PSMA4: variants seen among roughly 807,000 people sequenced by gnomAD.
The protein encoded by PSMA4 is proteasome subunit alpha type-4.
In PSMA4, 8 loss-of-function variants were observed where a neutral mutation model predicts 37.2. The observed-to-expected ratio is 0.22, with a 90% CI of 0.13 to 0.39. The LOEUF (loss-of-function observed/expected upper bound fraction) is 0.39, where lower values mean the gene tolerates loss of function less well. PSMA4 is among the 10% of genes least tolerant of loss of function. The pLI is 1.00. For missense variants in PSMA4, 169 were observed against 305.1 expected, an observed-to-expected ratio of 0.55 and a Z score of 3.32; for synonymous variants, 93 against 98.8, an observed-to-expected ratio of 0.94 and a Z score of 0.35.
In PSMA4 at chr15:78,541,975, A is replaced by T. The variant is rs149644946; in HGVS notation, c.3+45A>T. On this transcript the variant is annotated intron_variant, in intron 2 of 8. Transcript: ENST00000044462. ...AATAAACGGTTGCCTGATAAACAGT[A>T]TTGCTTGTACTCAGTTTACAGACTT... 3.1e-4 allele frequency: 497 copies of T among 1,583,662 alleles called. 2 individuals are homozygous for T. In the African/African-American group the frequency reaches 6.0e-3, roughly 19 times the overall value.
chr15:78,542,259 T>C, intron 3 of PSMA4, 40 bp downstream of exon 3: 1 of 1,553,322 alleles, frequency 6.4e-7, no homozygotes, highest in Non-Finnish European at 8.7e-7. Flanking sequence ...AGTTTAAAAA[T>C]AAATGTGTTA....
chr15:78,546,826 C>T (rs1201103966), intron 8 of PSMA4, 128 bp downstream of exon 8: 18 of 1,001,300 alleles, frequency 1.8e-5, no homozygotes, highest in African/African-American at 3.5e-5. Flanking sequence ...AGTGCAGTGG[C>T]GCAATCTCAG....
In PSMA4 at chr15:78,544,574, C is replaced by T. The variant is rs1216560131; in HGVS notation, c.288-295C>T. The stretch of plus-strand genomic sequence containing the variant: ...TTGGCCTCCCAAAGTGCTGGGATTA[C>T]AGGCATTAGCCACTGCACCTGGCCT... On this transcript the variant is annotated intron_variant, in intron 5 of 8. Transcript: ENST00000044462. 1.1e-5 allele frequency: 5 copies of T among 443,984 alleles called. No homozygotes were observed. The East Asian group carries it at 2.1e-4, about 18-fold the overall frequency. The allele number at this position is 443,984 out of a possible 1,614,324, so 27.5% of individuals were successfully genotyped here.
At position 78,549,113 on chromosome 15, in the gene PSMA4, CGAT is replaced by C; in HGVS notation, c.*174_*176del. ...TGTCCAATTGAATACTTTATTGTAA[CGAT>C]GATGGTTACCCTTCATGGACGTCTT... is the stretch of plus-strand genomic sequence containing the variant. On this transcript the variant is annotated 3_prime_UTR_variant, in exon 9 of 9. Coordinates refer to ENST00000044462, the MANE Select transcript of PSMA4 (RefSeq NM_002789.6). 10 of 1,043,364 alleles carry C rather than the reference CGAT, an allele frequency of 9.6e-6. No homozygotes were observed. The highest frequency in any genetic ancestry group is 1.2e-5 in the Non-Finnish European group (10 of 803,738). The allele number at this position is 1,043,364 out of a possible 1,614,324, so 64.6% of individuals were successfully genotyped here.
chr15:78,548,483 A>G (rs912262104), intron 8 of PSMA4, among the ~76,000 whole-genome samples: 2 of 152,174 alleles, frequency 1.3e-5, no homozygotes, highest in African/African-American at 4.8e-5. Flanking sequence ...AGAGGTTCCA[A>G]CAGTTCCGTC....
Position 78,544,944 on chromosome 15 carries a change from T to C in PSMA4, c.363T>C (p.Tyr121=). The C allele has an allele frequency of 6.2e-7, 1 of 1,605,442 alleles. No individual in the cohort carries two copies. The change falls in exon 6 of 9, where the codon TAT becomes TAC. Residue 121 remains tyrosine (Y), a synonymous_variant. Transcript: ENST00000044462. ...CGCTGTGTGATATCAAACAAGCTTATACACAATTTGGAGGTATTTAATTTT... is the reference window on the plus strand; with the variant it reads ...CGCTGTGTGATATCAAACAAGCTTACACACAATTTGGAGGTATTTAATTTT... ...VTALCDIKQA[Y]TQFGGKRPFG... is the part of the protein sequence containing the mutation.
intron 1 of PSMA4, chr15:78,541,036 C>G (rs1236961969): frequency 6.6e-6 from 1 of 152,374 alleles, no homozygotes; most frequent in South Asian, 2.1e-4. Flanking sequence ...TCAACCAGTT[C>G]GCTGCCCTCG....
intron 4 of PSMA4, among the ~76,000 whole-genome samples, chr15:78,543,227 CTT>C (rs765557281): frequency 6.2e-4 from 95 of 152,274 alleles, no homozygotes; most frequent in Middle Eastern, 3.4e-3. Context: ...TAAGTAGAGA[CTT>C]TCCTTTCAGT....
At chr15:78,542,458 G>A in intron 3 of PSMA4, 25 bp from the exon 4 acceptor site, 1 of 1,606,624 alleles carries the variant, frequency 6.2e-7, no homozygotes, top group South Asian at 1.1e-5. Context: ...GAGAGTCTTG[G>A]CTTCTCACTG....
At chr15:78,543,629 C>T (rs1305218943) in intron 4 of PSMA4, among the ~76,000 whole-genome samples, 6 of 142,472 alleles carry the variant, frequency 4.2e-5, no homozygotes, top group Non-Finnish European at 9.0e-5. Context: ...AGTACGGTGA[C>T]GCCATCTTGG....
At chr15:78,544,664 TG>T in intron 5 of PSMA4, 1 of 491,634 alleles carries the variant, frequency 2.0e-6, no homozygotes, top group East Asian at 3.2e-5. Context: ...ATCTTTGAAT[TG>T]AAAATTACAG....
intron 8 of PSMA4, among the ~76,000 whole-genome samples, chr15:78,548,087 C>G (rs1174379396): frequency 6.6e-6 from 1 of 151,952 alleles, no homozygotes; most frequent in African/African-American, 2.4e-5. Flanking sequence ...AAAAAATTAG[C>G]CGGGCGTGGT....
intron 8 of PSMA4, 70 bp downstream of exon 8, chr15:78,546,768 CTTTTTT>C: frequency 1.7e-6 from 2 of 1,163,768 alleles, no homozygotes; most frequent in South Asian, 1.5e-5. Context: ...AGATTTTTTT[CTTTTTT>C]TTTTTTTTTT....
At position 78,540,490 on chromosome 15, in the gene PSMA4, T is replaced by C. The variant is rs3813570; in HGVS notation, c.-73T>C. ...TGAGCGGTGGTGGTTTATTCTTCCG[T>C]GGAGTTAAGGGCTCCGTGGACATCT... On this transcript the variant is annotated 5_prime_UTR_variant, in exon 1 of 9. Transcript: ENST00000044462. The C allele has an allele frequency of 0.28, 42,095 of 152,372 alleles. 6,558 individuals are homozygous for C. Among genetic ancestry groups the C allele is most frequent in the Admixed American group, 0.47 (7,184 of 15,310 alleles). 9.4% of individuals were successfully genotyped at this position (152,372 alleles called of 1,614,324 possible).
In PSMA4 at chr15:78,548,952, G is replaced by T; in HGVS notation, c.*8G>T. On this transcript the variant is annotated 3_prime_UTR_variant, in exon 9 of 9. Coordinates refer to ENST00000044462, the MANE Select transcript of PSMA4 (RefSeq NM_002789.6). ...AAAGAAAAGGATAAATAGAATCAGA[G>T]ATTTTATTACTCATTTGGGGCACCA... The T allele has an allele frequency of 6.3e-7, 1 of 1,599,426 alleles. No individual in the cohort carries two copies. Among genetic ancestry groups the T allele is most frequent in the South Asian group, 1.1e-5 (1 of 87,656 alleles).
Position 78,548,813 on chromosome 15 carries a change from G to C in PSMA4, c.655G>C (p.Glu219Gln). The C allele has an allele frequency of 6.2e-7, 1 of 1,607,508 alleles. No homozygotes were observed. The highest frequency in any genetic ancestry group is 8.5e-7 in the Non-Finnish European group (1 of 1,178,344). ...AGTGGAAATTGCAACACTAACAAGA[G>C]AGAATGGAAAGACAGTAATCAGAGT... ...EKVEIATLTR[E>Q]NGKTVIRVLK... Residue 219 changes from glutamate to glutamine, a missense_variant, in exon 9 of 9, where the codon GAG (glutamate) becomes CAG (glutamine). Around this residue, in one of 2 missense-constraint regions of PSMA4, gnomAD observed 90 missense variants for 92.7 expected, o/e 0.97. Coordinates refer to ENST00000044462, the MANE Select transcript of PSMA4 (RefSeq NM_002789.6).
intron 6 of PSMA4, 141 bp from the exon 7 acceptor site, chr15:78,545,493 T>G: frequency 1.1e-6 from 1 of 952,338 alleles, no homozygotes; most frequent in East Asian, 2.5e-5. Context: ...ATGGAGCTTA[T>G]CTATGGTAGC....
Position 78,545,615 on chromosome 15 carries a change from C to T in PSMA4, c.377-19C>T. The T allele has an allele frequency of 6.2e-7, 1 of 1,612,332 alleles. No homozygotes were observed. Among genetic ancestry groups the T allele is most frequent in the Non-Finnish European group, 8.5e-7 (1 of 1,178,548 alleles). ...AAATTTAGATTATTGATATGTTTGG[C>T]TTTTTTTCTTTGTTAAAGGAAAACG... On this transcript the variant is annotated intron_variant, in intron 6 of 8. Coordinates refer to ENST00000044462, the MANE Select transcript of PSMA4 (RefSeq NM_002789.6).
In PSMA4 at chr15:78,542,185, A is replaced by G. The variant is rs773495844; in HGVS notation, c.12A>G (p.Arg4=). 1 of 1,612,022 alleles carries G rather than the reference A, an allele frequency of 6.2e-7. No homozygotes were observed. Among genetic ancestry groups the G allele is most frequent in the African/African-American group, 1.3e-5 (1 of 74,922 alleles). ...GTGTTTTTCCTTTGCAGTCTCGAAG[A>G]TATGACTCCAGGACCACTATATTTT... MSR[R]YDSRTTIFSP... Residue 4 remains arginine, a synonymous_variant, in exon 3 of 9, where the codon AGA becomes AGG. Transcript: ENST00000044462.
Sources: gnomAD v4.1 joint callset for allele counts (sites outside exome capture counted in the v4.1 genomes callset) on GRCh38, gnomAD v4.1.1 for gene constraint, gnomAD v4.1.1 regional missense constraint, MANE v1.5 for transcripts, NCBI Gene and HGNC (gene_info 2026-07-23, HGNC 2026-07-21) for gene names.